SMPD3: variants seen among roughly 807,000 people sequenced by gnomAD.
The protein encoded by SMPD3 is sphingomyelin phosphodiesterase 3.
A neutral mutation model predicts 55.7 loss-of-function variants in SMPD3; 21 were observed. The ratio of observed to expected loss-of-function variants is 0.38; its 90% confidence interval spans 0.27 to 0.54. The LOEUF is 0.54. SMPD3 is among the 20% of genes least tolerant of loss of function. The pLI is 0.80. For synonymous variants in SMPD3, 457 were observed against 404.3 expected (o/e 1.13, Z -1.56); for missense variants, 842 against 899.6 (o/e 0.94, Z 0.82).
Position 68,441,342 on chromosome 16 carries a change from C to T in SMPD3, c.-269+7011G>A, listed in dbSNP as rs192641734. 3.2e-4 allele frequency among the ~76,000 whole-genome samples: 48 copies of T among 152,216 alleles called. No individual in the cohort carries two copies. The Middle Eastern group carries it at 0.014, about 43-fold the overall frequency. On this transcript the variant is annotated intron_variant, in intron 1 of 8. Transcript: ENST00000219334. Reference sequence around the variant, plus strand: ...GCTAATTGATTACAGACCTACTTTGCTAAATGCCTCAGTTTATAAAGAAAA... The same window carrying T: ...GCTAATTGATTACAGACCTACTTTGTTAAATGCCTCAGTTTATAAAGAAAA...
intron 1 of SMPD3, among the ~76,000 whole-genome samples, chr16:68,435,400 G>A (rs899827645): frequency 6.6e-6 from 1 of 152,190 alleles, no homozygotes; most frequent in African/African-American, 2.4e-5. Flanking sequence ...ACCAGGTATT[G>A]CTCTAATATA....
At chr16:68,369,162 A>G (rs565256056) in intron 3 of SMPD3, 2 of 146,490 alleles carry the variant, frequency 1.4e-5, no homozygotes, top group East Asian at 4.1e-4. Flanking sequence ...GGTTGTGGTG[A>G]GCCGAGATCG....
chr16:68,377,701 C>T (rs546252819), intron 2 of SMPD3, among the ~76,000 whole-genome samples: 42 of 152,320 alleles, frequency 2.8e-4, no homozygotes, highest in Admixed American at 2.0e-3. Flanking sequence ...TGCTACTGGA[C>T]GTCAAATACC....
rs1241199747 is a variant in SMPD3 at position 68,364,835 on chromosome 16, A to T, written c.1471T>A (p.Ser491Thr). The change falls in exon 5 of 9, where the codon TCC becomes ACC. Residue 491 changes from serine (S) to threonine (T), a missense_variant. Ser to Thr is a moderately conservative substitution (Grantham distance 58, BLOSUM62 1). This residue lies in a region of SMPD3 where 649 missense variants were observed against 643.6 expected (regional missense o/e 1.01). Coordinates refer to ENST00000219334, the MANE Select transcript of SMPD3 (RefSeq NM_018667.4). ...TCGGGGTTGGCTGCGCTGGACGAGG[A>T]GGTAGATTTTCGGAAATCAGCCAGC... ...DWLADFRKST[S>T]SSSAANPEEL... The T allele has an allele frequency of 1.2e-6, 2 of 1,613,858 alleles. No individual in the cohort carries two copies. The highest frequency in any genetic ancestry group is 2.7e-5 in the African/African-American group (2 of 75,042).
chr16:68,446,937 G>A (rs548326225), intron 1 of SMPD3, among the ~76,000 whole-genome samples: 9 of 152,358 alleles, frequency 5.9e-5, no homozygotes, highest in African/African-American at 2.2e-4. Context: ...AGATGTGGGG[G>A]CATAGTGCCC....
rs919607694 is a variant in SMPD3 at position 68,372,380 on chromosome 16, T to A, written c.-199A>T. The A allele has an allele frequency of 4.6e-6, 3 of 645,590 alleles. No individual in the cohort carries two copies. The highest frequency in any genetic ancestry group is 2.9e-5 in the Admixed American group (1 of 34,774). 40.0% of individuals were successfully genotyped at this position (645,590 alleles called of 1,614,324 possible). The stretch of plus-strand genomic sequence containing the variant: ...CTCGGTGGGCCATGCGGAGGCCTAC[T>A]GCAGACCCTGCAGAGACAAAAGTAG... On this transcript the variant is annotated 5_prime_UTR_variant, in exon 3 of 9. Coordinates refer to ENST00000219334, the MANE Select transcript of SMPD3 (RefSeq NM_018667.4).
intron 1 of SMPD3, among the ~76,000 whole-genome samples, chr16:68,428,475 C>A (rs1326373234): frequency 6.6e-6 from 1 of 152,210 alleles, no homozygotes; most frequent in Non-Finnish European, 1.5e-5. Flanking sequence ...AGGGCCTGGG[C>A]AGCTTGCTCC....
chr16:68,359,291 C>G lies in SMPD3; in HGVS notation c.*1915G>C, dbSNP rs371937192. On this transcript the variant is annotated 3_prime_UTR_variant, in exon 9 of 9. Transcript: ENST00000219334. ...GTTGGGGGCCTCCACATCATGAATCCCAGTCAAGGCTCACAGGCCAGCCCC... is the reference window on the plus strand; with the variant it reads ...GTTGGGGGCCTCCACATCATGAATCGCAGTCAAGGCTCACAGGCCAGCCCC... 6.6e-6 allele frequency: 1 copy of G among 152,572 alleles called. No individual in the cohort carries two copies. 9.5% of individuals were successfully genotyped at this position (152,572 alleles called of 1,614,324 possible). A position where few individuals can be genotyped will look rare whatever the true frequency, so the allele number is the denominator to read the frequency against.
intron 1 of SMPD3, among the ~76,000 whole-genome samples, chr16:68,414,372 C>T (rs886861130): frequency 1.3e-5 from 2 of 152,218 alleles, no homozygotes; most frequent in Non-Finnish European, 2.9e-5. Flanking sequence ...ATGTCTGTGA[C>T]CCTTCTTTAG....
In SMPD3 at chr16:68,372,047, C is replaced by T. The variant is rs1567786055; in HGVS notation, c.135G>A (p.Lys45=). 6.2e-7 allele frequency: 1 copy of T among 1,609,260 alleles called. No individual in the cohort carries two copies. Among genetic ancestry groups the T allele is most frequent in the Non-Finnish European group, 8.5e-7 (1 of 1,178,410 alleles). ...AGCACGGGTCGTCTGCCCGCTGGCG[C>T]TTCTCGTAGGTGGTGGGTATGAAGG... ...AASFIPTTYE[K]RQRADDPCCL... Residue 45 remains lysine, a synonymous_variant, in exon 3 of 9, where the codon AAG becomes AAA. Transcript: ENST00000219334.
intron 7 of SMPD3, among the ~76,000 whole-genome samples, chr16:68,362,871 A>G (rs141078309): frequency 1.7e-3 from 254 of 152,336 alleles, no homozygotes; most frequent in African/African-American, 5.8e-3. Flanking sequence ...TGATGTTTCA[A>G]ATTTAGTCTA....
chr16:68,390,281 A>G (rs2090099465), intron 1 of SMPD3, among the ~76,000 whole-genome samples: 1 of 152,202 alleles, frequency 6.6e-6, no homozygotes, highest in Admixed American at 6.5e-5. Context: ...GGTTTTGGCT[A>G]GCTTCTTTAC....
intron 1 of SMPD3, among the ~76,000 whole-genome samples, chr16:68,415,956 T>C (rs1230900643): frequency 5.9e-5 from 9 of 152,170 alleles, no homozygotes; most frequent in Admixed American, 2.6e-4. Flanking sequence ...CGGCCTGATT[T>C]AGTATTAAAG....
chr16:68,431,384 T>G (rs1045531555), intron 1 of SMPD3, among the ~76,000 whole-genome samples: 3 of 152,208 alleles, frequency 2.0e-5, no homozygotes, highest in Non-Finnish European at 4.4e-5. Flanking sequence ...TGTATTAGCT[T>G]CAGTTGCAGT....
At chr16:68,433,737 G>A (rs2090498364) in intron 1 of SMPD3, among the ~76,000 whole-genome samples, 1 of 152,188 alleles carries the variant, frequency 6.6e-6, no homozygotes, top group African/African-American at 2.4e-5. Context: ...AGGCTGTGTG[G>A]GGTCTGCTGG....
chr16:68,424,798 C>T (rs2090423246), intron 1 of SMPD3, among the ~76,000 whole-genome samples: 1 of 152,176 alleles, frequency 6.6e-6, no homozygotes. Context: ...GCAACCTCCG[C>T]CTCCTGGGCT....
chr16:68,378,242 A>T (rs1459700974), intron 2 of SMPD3, among the ~76,000 whole-genome samples: 1 of 152,208 alleles, frequency 6.6e-6, no homozygotes, highest in Non-Finnish European at 1.5e-5. Context: ...CACTGAGCTC[A>T]GGCCGGGCCA....
chr16:68,391,020 A>G (rs945071663), intron 1 of SMPD3, among the ~76,000 whole-genome samples: 1 of 152,248 alleles, frequency 6.6e-6, no homozygotes, highest in African/African-American at 2.4e-5. Context: ...TCAGTGAACA[A>G]AGATTAGGAC....
rs530246395 is a variant in SMPD3, at chr16:68,413,090, T to C, written c.-268-26431A>G. On this transcript the variant is annotated intron_variant, in intron 1 of 8. Coordinates refer to ENST00000219334, the MANE Select transcript of SMPD3 (RefSeq NM_018667.4). ...CTTGGCGTGGCTCAAGTCCTTGGCC[T>C]GGGGCCTATGTGGAATGCCTGCTCT... Among the ~76,000 whole-genome samples the C allele has an allele frequency of 1.1e-4, 16 of 152,374 alleles. No homozygotes were observed. The East Asian group carries it at 3.1e-3, about 29-fold the overall frequency.
Sources: gnomAD v4.1 joint callset for allele counts (sites outside exome capture counted in the v4.1 genomes callset) on GRCh38, gnomAD v4.1.1 for gene constraint, gnomAD v4.1.1 regional missense constraint, MANE v1.5 for transcripts, NCBI Gene and HGNC (gene_info 2026-07-23, HGNC 2026-07-21) for gene names.